The following TTLL5 variants were observed in gnomAD, a reference collection of about 807,000 sequenced individuals.
TTLL5 encodes tubulin polyglutamylase TTLL5.
Under a neutral mutation model 168.4 loss-of-function variants are expected in TTLL5, and 132 were observed. The ratio of observed to expected loss-of-function variants is 0.78; its 90% CI spans 0.68 to 0.91. The LOEUF (loss-of-function observed/expected upper bound fraction) is 0.91, where lower values mean the gene tolerates loss of function less well. Ranked by LOEUF, TTLL5 falls within the 40% of genes least tolerant of loss-of-function variation. The pLI is 0.00. For synonymous variants in TTLL5, 546 were observed against 558.6 expected (o/e 0.98, Z 0.32); for missense variants, 1,545 against 1,581.5 (o/e 0.98, Z 0.39).
chr14:75,899,669 T>C (rs1322408285), intron 30 of TTLL5, among the ~76,000 whole-genome samples: 7 of 152,014 alleles, frequency 4.6e-5, no homozygotes, highest in Admixed American at 3.9e-4. Flanking sequence ...TGATGGGAGT[T>C]GATGGGAGGG....
chr14:75,721,571 AC>A (rs1224801385), intron 12 of TTLL5, among the ~76,000 whole-genome samples: 6 of 152,174 alleles, frequency 3.9e-5, no homozygotes, highest in Non-Finnish European at 7.3e-5. Context: ...TTAGAGCCTA[AC>A]AGCCTTAGTT....
intron 28 of TTLL5, among the ~76,000 whole-genome samples, chr14:75,861,617 C>T (rs1687012234): frequency 6.6e-6 from 1 of 152,100 alleles, no homozygotes; most frequent in Non-Finnish European, 1.5e-5. Flanking sequence ...TCAATTTAGG[C>T]ACCCTTTCAT....
intron 18 of TTLL5, 65 bp from the exon 19 acceptor site, chr14:75,764,550 C>T (rs969119091): frequency 8.5e-5 from 134 of 1,583,854 alleles, no homozygotes; most frequent in Non-Finnish European, 4.8e-5. Flanking sequence ...TTCTGGGAAG[C>T]TTAGCCTTGG....
intron 3 of TTLL5, among the ~76,000 whole-genome samples, chr14:75,676,418 G>A (rs1218932444): frequency 1.3e-5 from 2 of 152,160 alleles, no homozygotes; most frequent in East Asian, 1.9e-4. Flanking sequence ...CACATCTGCA[G>A]GCTAGGTCTG....
chr14:75,683,613 C>G lies in TTLL5; in HGVS notation c.328C>G (p.Leu110Val), dbSNP rs773930059. 1 of 1,614,054 alleles carries G rather than the reference C, an allele frequency of 6.2e-7. No individual in the cohort carries two copies. Among genetic ancestry groups the G allele is most frequent in the Non-Finnish European group, 8.5e-7 (1 of 1,179,944 alleles). ...WTGSHLKPFL[L>V]RTLSEAQKVN... ...AGGATCCCACCTGAAGCCCTTCTTA[C>G]TGCGCACCCTCTCTGAAGCACAAAA... is the stretch of plus-strand genomic sequence containing the variant. The change falls in exon 5 of 32, where the codon CTG becomes GTG. Residue 110 changes from leucine (L) to valine (V), a missense_variant. Coordinates refer to ENST00000298832, the MANE Select transcript of TTLL5 (RefSeq NM_015072.5).
intron 29 of TTLL5, among the ~76,000 whole-genome samples, chr14:75,866,582 T>A (rs74887408): frequency 0.022 from 3,288 of 152,320 alleles, 61 homozygotes; most frequent in Non-Finnish European, 0.033. Context: ...CTCCTAATAA[T>A]GTCTGGGGAA....
At chr14:75,694,901 C>T (rs1234644615) in intron 6 of TTLL5, among the ~76,000 whole-genome samples, 16 of 152,180 alleles carry the variant, frequency 1.1e-4, no homozygotes, top group Middle Eastern at 6.8e-3. Flanking sequence ...AAGCTGAGGA[C>T]GTATGTCGCC....
At chr14:75,919,747 G>C (rs549513746) in intron 31 of TTLL5, among the ~76,000 whole-genome samples, 1 of 152,234 alleles carries the variant, frequency 6.6e-6, no homozygotes, top group East Asian at 1.9e-4. Flanking sequence ...ATACCAAAAA[G>C]TACAAGCAAC....
chr14:75,728,318 T>C (rs962330862), intron 12 of TTLL5, among the ~76,000 whole-genome samples: 1 of 147,294 alleles, frequency 6.8e-6, no homozygotes, highest in Non-Finnish European at 1.5e-5. Context: ...ATTACACCAT[T>C]GCACTCTAGC....
intron 31 of TTLL5, among the ~76,000 whole-genome samples, chr14:75,923,104 CT>C (rs1312448730): frequency 6.6e-6 from 1 of 152,002 alleles, no homozygotes; most frequent in Non-Finnish European, 1.5e-5. Flanking sequence ...CTGTTTTATT[CT>C]TTATTAGTCT....
chr14:75,918,883 T>A (rs1267373873), intron 31 of TTLL5, among the ~76,000 whole-genome samples: 1 of 151,996 alleles, frequency 6.6e-6, no homozygotes, highest in East Asian at 1.9e-4. Flanking sequence ...CTGAGACAAG[T>A]TATTAATGAT....
chr14:75,682,445 C>T (rs1256687585), intron 4 of TTLL5, among the ~76,000 whole-genome samples: 1 of 152,124 alleles, frequency 6.6e-6, no homozygotes, highest in African/African-American at 2.4e-5. Flanking sequence ...AAGGCACTGC[C>T]ATGGGCGTGA....
chr14:75,944,632 AAG>A (rs2034711934), intron 31 of TTLL5, among the ~76,000 whole-genome samples: 1 of 152,226 alleles, frequency 6.6e-6, no homozygotes, highest in African/African-American at 2.4e-5. Context: ...TGAGCAGGGC[AAG>A]AGAGGGCTCC....
chr14:75,699,745 T>G (rs1886127389), intron 7 of TTLL5, among the ~76,000 whole-genome samples: 1 of 152,176 alleles, frequency 6.6e-6, no homozygotes, highest in Admixed American at 6.5e-5. Flanking sequence ...TTCCTCTTTC[T>G]GCCCTTCTTC....
At chr14:75,951,465 TAA>T (rs778587506) in intron 31 of TTLL5, among the ~76,000 whole-genome samples, 2 of 151,998 alleles carry the variant, frequency 1.3e-5, no homozygotes, top group African/African-American at 4.8e-5. Flanking sequence ...ACAATCTCTT[TAA>T]AAAAATACCA....
intron 21 of TTLL5, among the ~76,000 whole-genome samples, chr14:75,772,692 G>C (rs1440227064): frequency 6.7e-6 from 1 of 148,786 alleles, no homozygotes. Context: ...TTTTGAGACA[G>C]AGTCTTGCTC....
At chr14:75,772,353 A>G (rs1053489903) in intron 21 of TTLL5, among the ~76,000 whole-genome samples, 6 of 152,188 alleles carry the variant, frequency 3.9e-5, no homozygotes, top group Admixed American at 2.0e-4. Flanking sequence ...CATTGCTTTC[A>G]TGCATTGTAA....
intron 29 of TTLL5, among the ~76,000 whole-genome samples, chr14:75,876,642 G>A (rs916202138): frequency 6.6e-6 from 1 of 152,156 alleles, no homozygotes; most frequent in Non-Finnish European, 1.5e-5. Context: ...TATTGGAGTC[G>A]TAGTACTGCC....
chr14:75,783,244 G>A lies in TTLL5; in HGVS notation c.2700G>A (p.Leu900=). 3 of 1,614,148 alleles carry A rather than the reference G, an allele frequency of 1.9e-6. No individual in the cohort carries two copies. Among genetic ancestry groups the A allele is most frequent in the Middle Eastern group, 1.6e-4 (1 of 6,062 alleles). ...TGCAGAAAATTCCCAACACCCATTT[G>A]TCATCTGTTACAACCTCTGACCTCT... is the stretch of plus-strand genomic sequence containing the variant. ...ATLQKIPNTH[L]SSVTTSDLSP... is the part of the protein sequence containing the mutation. The change falls in exon 26 of 32, where the codon TTG becomes TTA. Residue 900 remains leucine, a synonymous_variant. Transcript: ENST00000298832.
Sources: allele counts gnomAD v4.1 joint callset (sites outside exome capture counted in the v4.1 genomes callset), GRCh38; gene constraint gnomAD v4.1.1; transcripts MANE v1.5; gene names NCBI Gene and HGNC (gene_info 2026-07-23, HGNC 2026-07-21).